Variants in SARDH observed in about 807,000 individuals in gnomAD.
SARDH encodes sarcosine dehydrogenase, also known as sarcosine dehydrogenase, mitochondrial.
In SARDH, 95 loss-of-function variants were observed where a neutral mutation model predicts 109.1. The ratio of observed to expected loss-of-function variants is 0.87; its 90% CI spans 0.74 to 1.03. SARDH has a LOEUF of 1.03. SARDH is among the 50% of genes least tolerant of loss of function. The pLI is 0.00. For missense variants in SARDH, 1,267 were observed against 1,287.8 expected, an observed-to-expected ratio of 0.98 and a Z score of 0.25; for synonymous variants, 572 against 534.8, an observed-to-expected ratio of 1.07 and a Z score of -0.96.
Position 133,694,234 on chromosome 9 carries a change from C to T in SARDH, c.1921+24G>A, listed in dbSNP as rs1209141446. Reference sequence around the variant, plus strand: ...ACAGAGCAGGCCGCAGTCACAGCGCCGTGTGCACAGAGGCATCCCATACCT... The same window carrying T: ...ACAGAGCAGGCCGCAGTCACAGCGCTGTGTGCACAGAGGCATCCCATACCT... On this transcript the variant is annotated intron_variant, in intron 15 of 20. Transcript: ENST00000439388. The T allele has an allele frequency of 1.1e-5, 16 of 1,503,372 alleles. No individual in the cohort carries two copies. The Admixed American group carries it at 1.2e-4, about 11-fold the overall frequency. 93.1% of individuals were successfully genotyped at this position (1,503,372 alleles called of 1,614,324 possible).
chr9:133,660,983 A>G (rs1832404825), downstream of SARDH, among the ~76,000 whole-genome samples: 1 of 152,172 alleles, frequency 6.6e-6, no homozygotes, highest in African/African-American at 2.4e-5. Context: ...TGCGAGGATC[A>G]CTTGAGCCCA....
intron 6 of SARDH, among the ~76,000 whole-genome samples, chr9:133,723,375 A>ATT (rs1832389212): frequency 1.3e-5 from 2 of 152,144 alleles, no homozygotes; most frequent in African/African-American, 4.8e-5. Context: ...ACTTCTTGAT[A>ATT]CCAAACTTAC....
At chr9:133,737,486 C>A (rs1832923710) in intron 1 of SARDH, among the ~76,000 whole-genome samples, 2 of 152,214 alleles carry the variant, frequency 1.3e-5, no homozygotes, top group African/African-American at 4.8e-5. Flanking sequence ...AAGTGGTGCC[C>A]CACCAGGGGA....
At chr9:133,687,343 T>G (rs908940800) in intron 16 of SARDH, among the ~76,000 whole-genome samples, 67 of 152,350 alleles carry the variant, frequency 4.4e-4, no homozygotes, top group African/African-American at 1.5e-3. Context: ...CAATCACAGC[T>G]CGCTGCAGCC....
chr9:133,701,234 C>G (rs185288592), intron 13 of SARDH, among the ~76,000 whole-genome samples: 3 of 152,218 alleles, frequency 2.0e-5, no homozygotes, highest in Admixed American at 6.5e-5. Context: ...GGAAATTGGC[C>G]GGTGCTACAG....
chr9:133,739,680 G>A (rs1378578632), upstream of SARDH: 1 of 152,474 alleles, frequency 6.6e-6, no homozygotes, highest in Admixed American at 6.5e-5. Flanking sequence ...GGCCCCGCCA[G>A]TTTGAGGCTT....
downstream of SARDH, among the ~76,000 whole-genome samples, chr9:133,659,673 T>C (rs1832386118): frequency 6.6e-6 from 1 of 152,166 alleles, no homozygotes; most frequent in Non-Finnish European, 1.5e-5. Context: ...GCACTTCACT[T>C]CATCACAGAA....
At chr9:133,662,667 C>T (rs1166240080), downstream of SARDH, among the ~76,000 whole-genome samples, 3 of 152,232 alleles carry the variant, frequency 2.0e-5, no homozygotes, top group African/African-American at 4.8e-5. The surrounding 1 kb of genome is among the most constrained non-coding windows in gnomAD (Gnocchi z 5.1). Context: ...GGCCTGGGAG[C>T]GTCCAGTGGC....
intron 17 of SARDH, among the ~76,000 whole-genome samples, chr9:133,674,267 C>T (rs563159556): frequency 6.6e-6 from 1 of 152,382 alleles, no homozygotes; most frequent in African/African-American, 2.4e-5. Context: ...CAGCGTCTCC[C>T]AGCGCCCATG....
In SARDH at chr9:133,704,965, G is replaced by A. The variant is rs1305700770; in HGVS notation, c.1537C>T (p.Pro513Ser). 6.3e-7 allele frequency: 1 copy of A among 1,581,796 alleles called. No homozygotes were observed. The change falls in exon 12 of 21, where the codon CCC becomes TCC. Residue 513 changes from proline (P) to serine (S), a missense_variant. Physicochemically the swap from Pro to Ser is moderately conservative, Grantham distance 74. Transcript: ENST00000439388. The surrounding 1 kb of genome is among the most constrained non-coding windows in gnomAD (Gnocchi z 4.5). ...HGWERPGWFH[P>S]RGPAPVLEYD... ...CTACTCACCGGAGCTGGGCCTCGGG[G>A]ATGAAACCATCCCGGTCGCTCCCAG...
In SARDH at chr9:133,663,758, G is replaced by A. The variant is rs953597604; in HGVS notation, c.*131C>T. On this transcript the variant is annotated 3_prime_UTR_variant, in exon 21 of 21. Transcript: ENST00000439388. ...GTCCGTATCTGGTTTGGGGGTTTTCGCAGGACTAGGCCTAGGCTAAGGACA... is the reference window on the plus strand; with the variant it reads ...GTCCGTATCTGGTTTGGGGGTTTTCACAGGACTAGGCCTAGGCTAAGGACA... The A allele has an allele frequency of 5.1e-5, 66 of 1,306,338 alleles. No individual in the cohort carries two copies. Among genetic ancestry groups the A allele is most frequent in the South Asian group, 3.9e-4 (27 of 70,020 alleles). 80.9% of individuals were successfully genotyped at this position (1,306,338 alleles called of 1,614,324 possible).
chr9:133,734,112 C>T lies in SARDH; in HGVS notation c.62G>A (p.Arg21Gln), dbSNP rs765689567. 102 of 1,611,602 alleles carry T rather than the reference C, an allele frequency of 6.3e-5. No individual in the cohort carries two copies. The highest frequency in any genetic ancestry group is 8.1e-5 in the Non-Finnish European group (95 of 1,179,452). Residue 21 changes from arginine (R) to glutamine (Q), a missense_variant, in exon 2 of 21, where the codon CGG becomes CAG. By Grantham distance (43) the Arg-to-Gln change is conservative. Coordinates refer to ENST00000439388, the MANE Select transcript of SARDH (RefSeq NM_001134707.2). ...GGACAGGTTGCATGGCCCCATGCCC[C>T]GGGTAGGGCTCTGGCGAGGGTGGGC... is the stretch of plus-strand genomic sequence containing the variant. ...AAAHPRQSPT[R>Q]GMGPCNLSSA...
In SARDH at chr9:133,712,867, G is replaced by A. The variant is rs921211616; in HGVS notation, c.1238-158C>T. On this transcript the variant is annotated intron_variant, in intron 9 of 20. Coordinates refer to ENST00000439388, the MANE Select transcript of SARDH (RefSeq NM_001134707.2). This position sits in a 1 kb window ranked among gnomAD's most constrained non-coding sequence, Gnocchi z 4.1. ...CTCCTGATTGGACTGCTGCTGGACTGGACCCTGGCACAGGTGCACTCTCTG... is the reference window on the plus strand; with the variant it reads ...CTCCTGATTGGACTGCTGCTGGACTAGACCCTGGCACAGGTGCACTCTCTG... The A allele has an allele frequency of 8.7e-6, 8 of 918,734 alleles. No individual in the cohort carries two copies. In the Admixed American group the frequency reaches 1.7e-4, roughly 19 times the overall value. The allele number at this position is 918,734 out of a possible 1,614,324, so 56.9% of individuals were successfully genotyped here. A position where few individuals can be genotyped will look rare whatever the true frequency, so the allele number is the denominator to read the frequency against.
At position 133,692,961 on chromosome 9, in the gene SARDH, C is replaced by T. The variant is rs1468485671; in HGVS notation, c.1921+1297G>A. 6.6e-6 allele frequency among the ~76,000 whole-genome samples: 1 copy of T among 152,134 alleles called. No individual in the cohort carries two copies. Among genetic ancestry groups the T allele is most frequent in the East Asian group, 1.9e-4 (1 of 5,180 alleles). On this transcript the variant is annotated intron_variant, in intron 15 of 20. Coordinates refer to ENST00000439388, the MANE Select transcript of SARDH (RefSeq NM_001134707.2). This position sits in a 1 kb window ranked among gnomAD's most constrained non-coding sequence, Gnocchi z 5.0. ...CCAGCCTCCAGACCGCAGGGCTCAC[C>T]TCACTACTCCCTGCTTTTGGCAGAA...
chr9:133,684,728 C>A (rs996385918), intron 17 of SARDH, among the ~76,000 whole-genome samples: 1 of 152,176 alleles, frequency 6.6e-6, no homozygotes, highest in Non-Finnish European at 1.5e-5. Flanking sequence ...ACTGGCTGTG[C>A]TCCCACCCCA....
chr9:133,739,609 G>A (rs1454621848), upstream of SARDH: 1 of 152,338 alleles, frequency 6.6e-6, no homozygotes, highest in African/African-American at 2.4e-5. Flanking sequence ...ACCATTCTCA[G>A]TCCCTGCCTC....
In SARDH at chr9:133,666,639, C is replaced by T. The variant is rs1411107457; in HGVS notation, c.2631+96G>A. 1 of 1,500,746 alleles carries T rather than the reference C, an allele frequency of 6.7e-7. No homozygotes were observed. Among genetic ancestry groups the T allele is most frequent in the African/African-American group, 1.4e-5 (1 of 72,138 alleles). 93.0% of individuals were successfully genotyped at this position (1,500,746 alleles called of 1,614,324 possible). On this transcript the variant is annotated intron_variant, in intron 20 of 20. Coordinates refer to ENST00000439388, the MANE Select transcript of SARDH (RefSeq NM_001134707.2). The surrounding 1 kb of genome is among the most constrained non-coding windows in gnomAD (Gnocchi z 5.2). ...TCTGGACCACACCCGTGCCTCCTCC[C>T]TATGCCCGGCACACTCAGGGTGCAG...
At position 133,712,971 on chromosome 9, in the gene SARDH, C is replaced by A. The variant is rs757779147; in HGVS notation, c.1237+67G>T. On this transcript the variant is annotated intron_variant, in intron 9 of 20. Transcript: ENST00000439388. This position sits in a 1 kb window ranked among gnomAD's most constrained non-coding sequence, Gnocchi z 4.1. The stretch of plus-strand genomic sequence containing the variant: ...GGCCACGGTGCTCCTGCGCCCGCCT[C>A]CCCCAGAGCTCTGGGAATGACAGGA... 4 of 1,476,780 alleles carry A rather than the reference C, an allele frequency of 2.7e-6. No homozygotes were observed. Among genetic ancestry groups the A allele is most frequent in the African/African-American group, 1.4e-5 (1 of 72,178 alleles). 91.5% of individuals were successfully genotyped at this position (1,476,780 alleles called of 1,614,324 possible). A position where few individuals can be genotyped will look rare whatever the true frequency, so the allele number is the denominator to read the frequency against.
In SARDH at chr9:133,663,994, C is replaced by G. The variant is rs187279864; in HGVS notation, c.2652G>C (p.Lys884Asn). ...SGGPVSLDFV[K>N]SGDYALERMG... ...TTCTCTCCAGGGCATAGTCCCCGCTCTTCACAAAGTCCAGCGAGACCTAGG... is the reference window on the plus strand; with the variant it reads ...TTCTCTCCAGGGCATAGTCCCCGCTGTTCACAAAGTCCAGCGAGACCTAGG... The change falls in exon 21 of 21, where the codon AAG becomes AAC. Residue 884 changes from lysine to asparagine, a missense_variant. Transcript: ENST00000439388. 2 of 1,614,172 alleles carry G rather than the reference C, an allele frequency of 1.2e-6. No homozygotes were observed. Among genetic ancestry groups the G allele is most frequent in the African/African-American group, 1.3e-5 (1 of 75,056 alleles).
Sources: gnomAD v4.1 joint callset for allele counts (sites outside exome capture counted in the v4.1 genomes callset) on GRCh38, gnomAD v4.1.1 for gene constraint, Gnocchi (gnomAD v3.1) non-coding constraint, MANE v1.5 for transcripts, NCBI Gene and HGNC (gene_info 2026-07-23, HGNC 2026-07-21) for gene names.